The following ZNF839 variants were observed in gnomAD, a reference collection of about 807,000 sequenced individuals.
ZNF839 encodes the protein renal carcinoma antigen NY-REN-50.
Under a neutral mutation model 56.4 loss-of-function variants are expected in ZNF839, and 38 were observed. That is an observed-to-expected ratio of 0.67 (90% CI 0.52 to 0.88). ZNF839 has a LOEUF of 0.88. Ranked by LOEUF, ZNF839 falls within the 40% of genes least tolerant of loss-of-function variation. The pLI, the probability that ZNF839 is intolerant of heterozygous loss-of-function variation, is 0.00. For synonymous variants in ZNF839, 486 were observed against 493.5 expected, an observed-to-expected ratio of 0.98 and a Z score of 0.20; for missense variants, 1,091 against 1,177.6, an observed-to-expected ratio of 0.93 and a Z score of 1.08.
Position 102,339,531 on chromosome 14 carries a change from C to T in ZNF839, c.1927+308C>T, listed in dbSNP as rs549424803. ...AGGCCGAGGTGGGCGGATCACCTGACGTCGGGAATTCGAGACCAGCCTGGC... is the reference window on the plus strand; with the variant it reads ...AGGCCGAGGTGGGCGGATCACCTGATGTCGGGAATTCGAGACCAGCCTGGC... On this transcript the variant is annotated intron_variant, in intron 7 of 7. Coordinates refer to ENST00000442396, the MANE Select transcript of ZNF839 (RefSeq NM_018335.6). 7.8e-4 allele frequency among the ~76,000 whole-genome samples: 118 copies of T among 152,182 alleles called. 1 individual carries two copies. In the South Asian group the frequency reaches 0.016, roughly 20 times the overall value.
Position 102,341,561 on chromosome 14 carries a change from G to A in ZNF839, c.2166G>A (p.Ala722=), listed in dbSNP as rs202001193. The A allele has an allele frequency of 6.2e-4, 996 of 1,612,946 alleles. 6 individuals carry two copies. Among genetic ancestry groups the A allele is most frequent in the South Asian group, 4.7e-3 (425 of 90,944 alleles). ...PRRLTQAQVA[A]FPGENALEHS... is the part of the protein sequence containing the mutation. ...GGCTGACCCAGGCACAGGTGGCAGC[G>A]TTTCCTGGAGAGAATGCTTTGGAAC... The change falls in exon 8 of 8, where the codon GCG becomes GCA. Residue 722 remains alanine, a synonymous_variant. Coordinates refer to ENST00000442396, the MANE Select transcript of ZNF839 (RefSeq NM_018335.6).
At chr14:102,329,479 G>A (rs552076668) in intron 2 of ZNF839, among the ~76,000 whole-genome samples, 10 of 151,886 alleles carry the variant, frequency 6.6e-5, no homozygotes, top group Admixed American at 3.9e-4. Context: ...CTGCCCCCTC[G>A]TTTCAAGCAA....
chr14:102,324,605 G>A (rs1283107300), intron 1 of ZNF839, among the ~76,000 whole-genome samples: 5 of 152,184 alleles, frequency 3.3e-5, no homozygotes, highest in African/African-American at 7.2e-5. Flanking sequence ...GTAGGCTGAG[G>A]CAGGAGAATC....
At chr14:102,325,296 A>G (rs1300834433) in intron 1 of ZNF839, among the ~76,000 whole-genome samples, 1 of 149,730 alleles carries the variant, frequency 6.7e-6, no homozygotes. Context: ...CTGAGATCGC[A>G]CCACTGCACT....
chr14:102,321,256 C>T (rs2073112490), intron 1 of ZNF839, among the ~76,000 whole-genome samples: 1 of 152,210 alleles, frequency 6.6e-6, no homozygotes, highest in Admixed American at 6.5e-5. Context: ...CTGTGCGGGG[C>T]CGCTCAGTTT....
At position 102,320,139 on chromosome 14, in the gene ZNF839, C is replaced by T. The variant is rs188861110; in HGVS notation, c.288+86C>T. ...GGGGTAGCTGCTTGTCCGGGGAGGC[C>T]AGTATCCGCCCGGGTTAAGACTCAG... is the stretch of plus-strand genomic sequence containing the variant. On this transcript the variant is annotated intron_variant, in intron 1 of 7. Transcript: ENST00000442396. 7.4e-4 allele frequency: 782 copies of T among 1,060,550 alleles called. 7 individuals carry two copies. In the African/African-American group the frequency reaches 0.012, roughly 16 times the overall value. The allele number at this position is 1,060,550 out of a possible 1,614,324, so 65.7% of individuals were successfully genotyped here.
rs751823109 is a variant in ZNF839 at position 102,338,950 on chromosome 14, T to G, written c.1794T>G (p.Arg598=). 6.2e-7 allele frequency: 1 copy of G among 1,613,836 alleles called. No homozygotes were observed. The highest frequency in any genetic ancestry group is 1.1e-5 in the South Asian group (1 of 91,064). ...LEGASSEKRE[R]EAAEEGLASV... ...GAGCTAGCAGCGAGAAGAGGGAACG[T>G]GAGGTGGGCATGGCTGAAGTGGGTG... The change falls in exon 6 of 8, where the codon CGT becomes CGG. Residue 598 remains arginine (R), a synonymous_variant. Coordinates refer to ENST00000442396, the MANE Select transcript of ZNF839 (RefSeq NM_018335.6).
At chr14:102,328,078 G>T (rs549900992) in intron 2 of ZNF839, among the ~76,000 whole-genome samples, 2 of 151,818 alleles carry the variant, frequency 1.3e-5, no homozygotes, top group South Asian at 4.2e-4. Context: ...TATTGAGCCG[G>T]GTGCAGTGGC....
intron 2 of ZNF839, among the ~76,000 whole-genome samples, chr14:102,327,998 C>A (rs1239694633): frequency 6.6e-6 from 1 of 152,018 alleles, no homozygotes; most frequent in African/African-American, 2.4e-5. Flanking sequence ...TTCTGCAACT[C>A]CTGATAAAGT....
chr14:102,334,565 G>A lies in ZNF839; in HGVS notation c.1428G>A (p.Gln476=). The change falls in exon 4 of 8, where the codon CAG becomes CAA. Residue 476 remains glutamine (Q), a synonymous_variant. Coordinates refer to ENST00000442396, the MANE Select transcript of ZNF839 (RefSeq NM_018335.6). ...SKARLKEFLQ[Q]CDREDLVELA... ...CTTTCCCTTGGTAGTTCCTCCAGCA[G>A]TGTGACCGGGAGGATCTGGTGGAAT... 1 of 1,610,680 alleles carries A rather than the reference G, an allele frequency of 6.2e-7. No homozygotes were observed. Among genetic ancestry groups the A allele is most frequent in the Non-Finnish European group, 8.5e-7 (1 of 1,178,378 alleles).
chr14:102,333,060 A>C (rs1435810666), intron 3 of ZNF839, among the ~76,000 whole-genome samples: 1 of 152,170 alleles, frequency 6.6e-6, no homozygotes, highest in Non-Finnish European at 1.5e-5. Context: ...ACCTTCTCCC[A>C]CTTCCTGTGG....
At chr14:102,340,324 T>C (rs924196137) in intron 7 of ZNF839, among the ~76,000 whole-genome samples, 1 of 145,220 alleles carries the variant, frequency 6.9e-6, no homozygotes, top group Non-Finnish European at 1.5e-5. Context: ...CAGGCTGGAG[T>C]GCAATGGCAT....
rs780711359 is a variant in ZNF839, at chr14:102,341,750, C to T, written c.2355C>T (p.Pro785=). 6.2e-7 allele frequency: 1 copy of T among 1,614,022 alleles called. No individual in the cohort carries two copies. The highest frequency in any genetic ancestry group is 8.5e-7 in the Non-Finnish European group (1 of 1,179,904). Residue 785 remains proline (P), a synonymous_variant, in exon 8 of 8, where the codon CCC becomes CCT. Transcript: ENST00000442396. ...ACTTCCACCTGAACCACCAGCAGCC[C>T]AGCCCCACCAGCGTCCTGCCTACAG... ...VCDFHLNHQQ[P]SPTSVLPTEV...
chr14:102,326,420 A>C lies in ZNF839; in HGVS notation c.724A>C (p.Lys242Gln), dbSNP rs775753638. The C allele has an allele frequency of 2.5e-6, 4 of 1,613,744 alleles. No homozygotes were observed. The highest frequency in any genetic ancestry group is 3.4e-6 in the Non-Finnish European group (4 of 1,179,828). The change falls in exon 2 of 8, where the codon AAA becomes CAA. Residue 242 changes from lysine (K) to glutamine (Q), a missense_variant. This residue lies in a region of ZNF839 where 614 missense variants were observed against 629.2 expected (regional missense o/e 0.98). Transcript: ENST00000442396. This position sits in a 1 kb window ranked among gnomAD's most constrained non-coding sequence, Gnocchi z 4.3. ...TACAAGACATACTGAGAAACTAAAA[A>C]AATCGTTAAAAGTAAAGACACGTTC... is the stretch of plus-strand genomic sequence containing the variant. ...LHTRHTEKLKKSLKVKTRSGR... is the reference protein window; with the variant it reads ...LHTRHTEKLKQSLKVKTRSGR...
intron 2 of ZNF839, among the ~76,000 whole-genome samples, chr14:102,328,378 ATATATATATATATATATATATAT>A (rs2073567996): frequency 4.4e-5 from 2 of 45,212 alleles, no homozygotes; most frequent in South Asian, 1.4e-3. Context: ...AAAAAAAAAT[ATATATATATATATATATATATAT>A]ATATATATAT....
At position 102,326,881 on chromosome 14, in the gene ZNF839, C is replaced by T. The variant is rs780496280; in HGVS notation, c.1185C>T (p.Gly395=). The T allele has an allele frequency of 1.3e-6, 2 of 1,593,724 alleles. No individual in the cohort carries two copies. Among genetic ancestry groups the T allele is most frequent in the South Asian group, 1.1e-5 (1 of 89,310 alleles). ...SCLVTESARG[G]LQNGQSVDVE... is the part of the protein sequence containing the mutation. Reference sequence around the variant, plus strand: ...TGGTGACAGAGTCAGCACGCGGTGGCCTGCAGGTAATGTTTCTGTCTGGGT... The same window carrying T: ...TGGTGACAGAGTCAGCACGCGGTGGTCTGCAGGTAATGTTTCTGTCTGGGT... The change falls in exon 2 of 8, where the codon GGC becomes GGT. Residue 395 remains glycine, a synonymous_variant. Coordinates refer to ENST00000442396, the MANE Select transcript of ZNF839 (RefSeq NM_018335.6). This position sits in a 1 kb window ranked among gnomAD's most constrained non-coding sequence, Gnocchi z 4.3.
Position 102,329,550 on chromosome 14 carries a change from A to G in ZNF839, c.1192-2072A>G, listed in dbSNP as rs147537336. Among the ~76,000 whole-genome samples the G allele has an allele frequency of 5.5e-3, 828 of 151,660 alleles. 7 individuals carry two copies. The highest frequency in any genetic ancestry group is 0.019 in the African/African-American group (796 of 41,334). ...CAGGCGTGTGCTACCATGCCTGGCTAATTTTTGTACTTTTAGTAGAGACGG... is the reference window on the plus strand; with the variant it reads ...CAGGCGTGTGCTACCATGCCTGGCTGATTTTTGTACTTTTAGTAGAGACGG... On this transcript the variant is annotated intron_variant, in intron 2 of 7. Transcript: ENST00000442396.
intron 2 of ZNF839, among the ~76,000 whole-genome samples, chr14:102,327,266 A>G (rs1201962637): frequency 6.6e-6 from 1 of 151,960 alleles, no homozygotes; most frequent in Non-Finnish European, 1.5e-5. Context: ...TCAGCCTCGC[A>G]AGTAGCTGGG....
intron 1 of ZNF839, among the ~76,000 whole-genome samples, chr14:102,325,254 C>T (rs945355123): frequency 6.7e-6 from 1 of 149,770 alleles, no homozygotes; most frequent in Non-Finnish European, 1.5e-5. Flanking sequence ...ATGAGAGAAT[C>T]GCTGAAACTG....
Sources: allele counts gnomAD v4.1 joint callset (sites outside exome capture counted in the v4.1 genomes callset), GRCh38; gene constraint gnomAD v4.1.1; regional missense constraint gnomAD v4.1.1; non-coding constraint Gnocchi (gnomAD v3.1); transcripts MANE v1.5; gene names NCBI Gene and HGNC (gene_info 2026-07-23, HGNC 2026-07-21).